Variants in KSR1 observed in about 807,000 individuals in gnomAD.
KSR1 encodes the protein kinase suppressor of ras.
KSR1 carries 35 observed loss-of-function variants against 92.9 expected under a neutral mutation model. The ratio of observed to expected loss-of-function variants is 0.38; its 90% CI spans 0.29 to 0.50. The LOEUF is 0.50. Ranked by LOEUF, KSR1 falls within the 20% of genes least tolerant of loss-of-function variation. The probability of loss-of-function intolerance (pLI) is 0.94; values close to 1 mark genes in which losing one functional copy is unlikely to be tolerated. For missense variants in KSR1, 972 were observed against 1,158.5 expected, an observed-to-expected ratio of 0.84 and a Z score of 2.34; for synonymous variants, 467 against 472.6, an observed-to-expected ratio of 0.99 and a Z score of 0.15.
At chr17:27,510,620 C>T (rs749576047) in intron 1 of KSR1, among the ~76,000 whole-genome samples, 1 of 152,144 alleles carries the variant, frequency 6.6e-6, no homozygotes, top group Admixed American at 6.5e-5. Context: ...TCAGTGCCAT[C>T]GTCTGTGAAA....
rs1412895368 is a variant in KSR1, at chr17:27,625,650, CTG to C, written c.*2261_*2262del. ...CTCTGTTCCCCTTGTATTTCAGTGA[CTG>C]TGAATTGAGGTTAGGAAGGCACACC... On this transcript the variant is annotated 3_prime_UTR_variant, in exon 21 of 21. Transcript: ENST00000644974. The C allele has an allele frequency of 1.3e-5, 2 of 152,010 alleles. No individual in the cohort carries two copies. The highest frequency in any genetic ancestry group is 4.8e-5 in the African/African-American group (2 of 41,374). 9.4% of individuals were successfully genotyped at this position (152,010 alleles called of 1,614,324 possible).
In KSR1 at chr17:27,526,702, C is replaced by T. The variant is rs1027702205; in HGVS notation, c.232-23866C>T. On this transcript the variant is annotated intron_variant, in intron 1 of 20. Transcript: ENST00000644974. ...TGGCTGTTATTCTGACAGCTGAACA[C>T]GAGGGTTCAGGTTGAGAGGTCCTCT... 3.3e-5 allele frequency: 49 copies of T among 1,498,452 alleles called. No individual in the cohort carries two copies. In the Admixed American group the frequency reaches 5.6e-4, roughly 17 times the overall value. The allele number at this position is 1,498,452 out of a possible 1,614,324, so 92.8% of individuals were successfully genotyped here.
intron 20 of KSR1, chr17:27,622,023 G>A: frequency 8.0e-7 from 1 of 1,250,112 alleles, no homozygotes; most frequent in South Asian, 1.2e-5. Flanking sequence ...AAAATGAGAT[G>A]CGGGCACTAA....
chr17:27,525,962 C>A (rs1056699548), intron 1 of KSR1, among the ~76,000 whole-genome samples: 1 of 146,656 alleles, frequency 6.8e-6, no homozygotes, highest in African/African-American at 2.5e-5. Context: ...GCCCCTATGG[C>A]ATCCAGATCT....
intron 20 of KSR1, chr17:27,621,954 C>T (rs1161188219): frequency 6.2e-7 from 1 of 1,612,320 alleles, no homozygotes; most frequent in African/African-American, 1.3e-5. Flanking sequence ...GCCTTGCATG[C>T]ACCAGGGGCT....
intron 1 of KSR1, among the ~76,000 whole-genome samples, chr17:27,480,504 T>G (rs1398938406): frequency 6.6e-6 from 1 of 152,158 alleles, no homozygotes; most frequent in Non-Finnish European, 1.5e-5. Context: ...TTCAAGTGAT[T>G]CTCCTGCCTT....
intron 1 of KSR1, among the ~76,000 whole-genome samples, chr17:27,494,191 G>A (rs2068909808): frequency 6.6e-6 from 1 of 152,266 alleles, no homozygotes; most frequent in African/African-American, 2.4e-5. Flanking sequence ...AACAAAAAGT[G>A]GAGATGATTT....
intron 1 of KSR1, among the ~76,000 whole-genome samples, chr17:27,544,361 C>T (rs1421848545): frequency 6.6e-6 from 1 of 152,194 alleles, no homozygotes; most frequent in Non-Finnish European, 1.5e-5. Context: ...AAATGATACT[C>T]TTTTTATAGG....
intron 1 of KSR1, among the ~76,000 whole-genome samples, chr17:27,486,398 G>C (rs191637114): frequency 1.3e-5 from 2 of 152,270 alleles, no homozygotes; most frequent in Admixed American, 1.3e-4. Flanking sequence ...CATCCACCCC[G>C]CCAAATGTGG....
intron 1 of KSR1, among the ~76,000 whole-genome samples, chr17:27,535,482 A>G (rs1302838082): frequency 6.6e-6 from 1 of 152,150 alleles, no homozygotes; most frequent in African/African-American, 2.4e-5. Context: ...GTGAATTGTT[A>G]AAAGGGTGTG....
intron 14 of KSR1, 62 bp downstream of exon 14, chr17:27,605,875 C>T (rs1424879708): frequency 1.3e-5 from 20 of 1,592,878 alleles, no homozygotes; most frequent in Admixed American, 1.8e-5. Flanking sequence ...CCCAGGGAGC[C>T]CTGTTTGTGT....
intron 1 of KSR1, among the ~76,000 whole-genome samples, chr17:27,539,577 G>A (rs1403201480): frequency 3.9e-5 from 6 of 152,340 alleles, no homozygotes; most frequent in East Asian, 1.9e-4. Context: ...CAACGGTGCC[G>A]GGCATTGGGA....
chr17:27,480,351 G>C (rs1276723424), intron 1 of KSR1, among the ~76,000 whole-genome samples: 1 of 152,134 alleles, frequency 6.6e-6, no homozygotes, highest in African/African-American at 2.4e-5. Context: ...AAGCTCCACA[G>C]GGTAAGGATT....
chr17:27,462,439 G>A (rs1343841943), intron 1 of KSR1, among the ~76,000 whole-genome samples: 2 of 152,170 alleles, frequency 1.3e-5, no homozygotes, highest in Admixed American at 6.5e-5. Flanking sequence ...GGGCTTCCTG[G>A]TGGCCACCCA....
At chr17:27,593,896 G>A (rs1168517989) in intron 9 of KSR1, among the ~76,000 whole-genome samples, 3 of 152,172 alleles carry the variant, frequency 2.0e-5, no homozygotes, top group East Asian at 1.9e-4. Flanking sequence ...CACTCGTGCC[G>A]CATCCTCCCA....
chr17:27,480,962 G>C (rs1424803735), intron 1 of KSR1, among the ~76,000 whole-genome samples: 1 of 152,134 alleles, frequency 6.6e-6, no homozygotes, highest in Non-Finnish European at 1.5e-5. Flanking sequence ...CTGTGATTAA[G>C]GTTTCAGTAA....
intron 1 of KSR1, among the ~76,000 whole-genome samples, chr17:27,516,973 CAGAT>C (rs1293311490): frequency 6.6e-6 from 1 of 152,196 alleles, no homozygotes; most frequent in African/African-American, 2.4e-5. Flanking sequence ...CATCACATGA[CAGAT>C]AGCAGGCCCT....
intron 1 of KSR1, among the ~76,000 whole-genome samples, chr17:27,462,062 G>A (rs577636191): frequency 1.6e-4 from 25 of 152,330 alleles, no homozygotes; most frequent in African/African-American, 6.0e-4. Context: ...AGGTGCCTTT[G>A]GGGTTAGGGG....
rs1044604601 is a variant in KSR1, at chr17:27,500,025, G to A, written c.231+43151G>A. Among the ~76,000 whole-genome samples the A allele has an allele frequency of 3.9e-5, 6 of 152,212 alleles. No homozygotes were observed. In the East Asian group the frequency reaches 1.2e-3, roughly 29 times the overall value. ...CTGCTGTCATCTTGAGAGTGGACTC[G>A]TGTCAGATGGGAGAAGGCACCTTCG... is the stretch of plus-strand genomic sequence containing the variant. On this transcript the variant is annotated intron_variant, in intron 1 of 20. Transcript: ENST00000644974.
Sources: gnomAD v4.1 joint callset for allele counts (sites outside exome capture counted in the v4.1 genomes callset) on GRCh38, gnomAD v4.1.1 for gene constraint, MANE v1.5 for transcripts, NCBI Gene and HGNC (gene_info 2026-07-23, HGNC 2026-07-21) for gene names.